MCPH1: variants seen among roughly 807,000 people sequenced by gnomAD.
MCPH1 encodes microcephalin 1.
In MCPH1, 104 loss-of-function variants were observed where a neutral mutation model predicts 84.5. The observed-to-expected ratio is 1.23, with a 90% CI of 1.05 to 1.45. The LOEUF (loss-of-function observed/expected upper bound fraction) is 1.45. MCPH1 is among the 40% of genes most tolerant of loss of function. The probability of loss-of-function intolerance (pLI) is 0.00; values close to 1 mark genes in which losing one functional copy is unlikely to be tolerated. For synonymous variants in MCPH1, 514 were observed against 366.8 expected, an observed-to-expected ratio of 1.40 and a Z score of -4.58; for missense variants, 1,498 against 1,005.7, an observed-to-expected ratio of 1.49 and a Z score of -6.62.
intron 12 of MCPH1, among the ~76,000 whole-genome samples, chr8:6,533,106 A>G (rs1819835147): frequency 6.6e-6 from 1 of 152,156 alleles, no homozygotes; most frequent in Admixed American, 6.5e-5. Flanking sequence ...ACATGTATGC[A>G]TTTTTCACAA....
chr8:6,416,804 A>G (rs1050205824), intron 3 of MCPH1, among the ~76,000 whole-genome samples: 2 of 138,268 alleles, frequency 1.4e-5, no homozygotes, highest in Non-Finnish European at 3.2e-5. Flanking sequence ...GACCAGCCTG[A>G]TCAATATGGT....
chr8:6,482,913 A>T (rs999695360), intron 11 of MCPH1, among the ~76,000 whole-genome samples: 1 of 152,230 alleles, frequency 6.6e-6, no homozygotes, highest in Non-Finnish European at 1.5e-5. Flanking sequence ...TGAATGAATG[A>T]GGTACAAGGC....
intron 12 of MCPH1, chr8:6,527,481 C>T (rs778671464): frequency 4.5e-5 from 69 of 1,540,442 alleles, no homozygotes; most frequent in Non-Finnish European, 5.8e-5. Flanking sequence ...TCTGATAATT[C>T]ATCATTTGAG....
At chr8:6,624,837 C>T in intron 13 of MCPH1, 1 of 984,790 alleles carries the variant, frequency 1.0e-6, no homozygotes, top group South Asian at 4.7e-5. Flanking sequence ...CAGGTCCAGG[C>T]TATTTGCTTA....
intron 8 of MCPH1, among the ~76,000 whole-genome samples, chr8:6,451,090 TA>T (rs2129556396): frequency 1.3e-5 from 2 of 152,296 alleles, no homozygotes; most frequent in East Asian, 3.9e-4. Context: ...GATAGACATA[TA>T]TTCATTAAGT....
intron 13 of MCPH1, chr8:6,626,284 C>G (rs765773297): frequency 2.3e-4 from 223 of 985,250 alleles, no homozygotes; most frequent in Non-Finnish European, 2.4e-4. Flanking sequence ...GCCTCACTCA[C>G]TTGCTCCCTG....
chr8:6,563,198 G>A (rs774354759), intron 12 of MCPH1: 18 of 315,364 alleles, frequency 5.7e-5, no homozygotes, highest in Non-Finnish European at 9.0e-5. Flanking sequence ...TTACAGAGCA[G>A]CTTTCACGGT....
rs2584 is a variant in MCPH1, at chr8:6,445,504, G to A, written c.1782G>A (p.Thr594=). 0.3 allele frequency: 488,508 copies of A among 1,610,700 alleles called. 81,336 individuals are homozygous for A. Among genetic ancestry groups the A allele is most frequent in the Non-Finnish European group, 0.35 (407,017 of 1,179,044 alleles). The change falls in exon 8 of 14, where the codon ACG becomes ACA. Residue 594 remains threonine (T), a synonymous_variant. Transcript: ENST00000344683. Reference sequence around the variant, plus strand: ...TTATAGTTGACTGTAACATGGAGACGTCTACAGAAGAGAAGGAAAACTTAC... The same window carrying A: ...TTATAGTTGACTGTAACATGGAGACATCTACAGAAGAGAAGGAAAACTTAC... ...PCFIVDCNME[T]STEEKENLPG...
At chr8:6,488,743 C>T (rs541222661) in intron 11 of MCPH1, among the ~76,000 whole-genome samples, 35 of 152,014 alleles carry the variant, frequency 2.3e-4, no homozygotes, top group Non-Finnish European at 4.6e-4. Flanking sequence ...CAGAAGCCAT[C>T]GGACTATTTT....
rs191161191 is a variant in MCPH1, at chr8:6,491,620, C to A, written c.2137-8232C>A. 3.7e-3 allele frequency among the ~76,000 whole-genome samples: 570 copies of A among 152,094 alleles called. 3 individuals carry two copies. Among genetic ancestry groups the A allele is most frequent in the African/African-American group, 0.013 (529 of 41,476 alleles). On this transcript the variant is annotated intron_variant, in intron 11 of 13. Transcript: ENST00000344683. ...AGGTATATCTCCTAATGCTATCCCT[C>A]CCCACTCCCCCGACCCCACAACAGG...
intron 4 of MCPH1, among the ~76,000 whole-genome samples, chr8:6,432,649 A>G (rs1802014032): frequency 6.6e-6 from 1 of 152,246 alleles, no homozygotes; most frequent in Non-Finnish European, 1.5e-5. Flanking sequence ...AAACTGAACT[A>G]CATTTCCTGT....
intron 9 of MCPH1, chr8:6,474,213 C>G: frequency 1.5e-6 from 1 of 670,152 alleles, no homozygotes; most frequent in Non-Finnish European, 2.7e-6. Flanking sequence ...CAATTATACT[C>G]TTCATCATAG....
intron 8 of MCPH1, chr8:6,446,145 C>A: frequency 1.1e-6 from 1 of 916,608 alleles, no homozygotes; most frequent in Non-Finnish European, 1.3e-6. Context: ...TGAAGCATCA[C>A]TTGAAAAGGT....
intron 3 of MCPH1, among the ~76,000 whole-genome samples, chr8:6,427,972 T>C (rs561064882): frequency 6.6e-5 from 10 of 152,144 alleles, no homozygotes; most frequent in South Asian, 4.2e-4. Flanking sequence ...TTTGCATTTT[T>C]AGTAGAGACG....
intron 12 of MCPH1, chr8:6,618,916 C>G (rs1586823342): frequency 6.6e-6 from 1 of 152,188 alleles, no homozygotes; most frequent in African/African-American, 2.4e-5. Context: ...CCCGTGGCCT[C>G]TGGGGGCTTC....
At chr8:6,425,132 C>A (rs923226578) in intron 3 of MCPH1, among the ~76,000 whole-genome samples, 1 of 152,200 alleles carries the variant, frequency 6.6e-6, no homozygotes, top group African/African-American at 2.4e-5. Flanking sequence ...GTGGGAAGTG[C>A]TGGAGTGAAT....
intron 8 of MCPH1, among the ~76,000 whole-genome samples, chr8:6,454,197 C>G (rs752598896): frequency 2.0e-5 from 3 of 152,154 alleles, no homozygotes; most frequent in Non-Finnish European, 4.4e-5. Context: ...TCTGCATCTA[C>G]ATTGTCTATT....
At position 6,458,974 on chromosome 8, in the gene MCPH1, T is replaced by C. The variant is rs191665720; in HGVS notation, c.1935+3722T>C. On this transcript the variant is annotated intron_variant, in intron 9 of 13. Coordinates refer to ENST00000344683, the MANE Select transcript of MCPH1 (RefSeq NM_024596.5). ...CAACATTAAATTTTAAGTATATAAC[T>C]TCCCAGTAGTTTGAGATCTTTTGAT... 2.4e-4 allele frequency among the ~76,000 whole-genome samples: 37 copies of C among 152,294 alleles called. No individual in the cohort carries two copies. In the East Asian group the frequency reaches 7.1e-3, roughly 29 times the overall value.
chr8:6,422,024 C>T (rs996183801), intron 3 of MCPH1, among the ~76,000 whole-genome samples: 1 of 152,248 alleles, frequency 6.6e-6, no homozygotes, highest in African/African-American at 2.4e-5. Flanking sequence ...GTCCCCAGTT[C>T]ACAGTTCAAG....
Sources: allele counts gnomAD v4.1 joint callset (sites outside exome capture counted in the v4.1 genomes callset), GRCh38; gene constraint gnomAD v4.1.1; transcripts MANE v1.5; gene names NCBI Gene and HGNC (gene_info 2026-07-23, HGNC 2026-07-21).